Variants in HDHD5 observed in about 807,000 individuals in gnomAD.
HDHD5 encodes the protein haloacid dehalogenase-like hydrolase domain-containing 5.
Under a neutral mutation model 35.5 loss-of-function variants are expected in HDHD5, and 34 were observed. The ratio of observed to expected loss-of-function variants is 0.96; its 90% CI spans 0.73 to 1.28. The LOEUF (loss-of-function observed/expected upper bound fraction) is 1.28. Among genes scored for constraint, HDHD5 ranks in the 50% most tolerant of loss-of-function variants. The probability of loss-of-function intolerance (pLI) is 0.00; values close to 1 mark genes in which losing one functional copy is unlikely to be tolerated. For synonymous variants in HDHD5, 248 were observed against 240.6 expected, an observed-to-expected ratio of 1.03 and a Z score of -0.29; for missense variants, 589 against 560.2, an observed-to-expected ratio of 1.05 and a Z score of -0.52.
rs1191279993 is a variant in HDHD5 at position 17,139,506 on chromosome 22, C to T, written c.747-768G>A. On this transcript the variant is annotated intron_variant, in intron 6 of 7. Coordinates refer to ENST00000336737, the MANE Select transcript of HDHD5 (RefSeq NM_033070.3). ...TTGCACCACTGCATTCCAGCCTGGG[C>T]AAAAGAGCAAGACTCCATCTAAAAA... Among the ~76,000 whole-genome samples the T allele has an allele frequency of 9.4e-5, 14 of 149,646 alleles. No individual in the cohort carries two copies. In the South Asian group the frequency reaches 1.3e-3, roughly 14 times the overall value.
At chr22:17,156,987 C>T (rs1456197188) in intron 1 of HDHD5, among the ~76,000 whole-genome samples, 4 of 148,544 alleles carry the variant, frequency 2.7e-5, no homozygotes, top group African/African-American at 7.4e-5. Flanking sequence ...CTGAGGCAGG[C>T]GAATCACTTG....
Position 17,138,325 on chromosome 22 carries a change from T to G in HDHD5, c.968A>C (p.Asn323Thr), listed in dbSNP as rs1357078784. The G allele has an allele frequency of 1.6e-5, 26 of 1,613,828 alleles. No individual in the cohort carries two copies. Among genetic ancestry groups the G allele is most frequent in the Non-Finnish European group, 1.9e-5 (23 of 1,179,992 alleles). The change falls in exon 8 of 8, where the codon AAC becomes ACC. Residue 323 changes from asparagine to threonine, a missense_variant. Coordinates refer to ENST00000336737, the MANE Select transcript of HDHD5 (RefSeq NM_033070.3). ...CTTCTGCAGGTACTGGTGGAACAGG[T>G]TGGCGCCGTATACGTCAGACATAGG... Reference protein sequence around the residue: ...DNPMSDVYGANLFHQYLQKAT... With the variant: ...DNPMSDVYGATLFHQYLQKAT...
chr22:17,157,072 C>T (rs1364932533), intron 1 of HDHD5, among the ~76,000 whole-genome samples: 1 of 66,120 alleles, frequency 1.5e-5, no homozygotes, highest in Admixed American at 1.7e-4. Flanking sequence ...AGCTAGACAC[C>T]GTCTCACACA....
Position 17,155,231 on chromosome 22 carries a change from C to CTT in HDHD5, c.126+3893_126+3894dup, listed in dbSNP as rs539943001. On this transcript the variant is annotated intron_variant, in intron 1 of 7. Transcript: ENST00000336737. ...CTAAACAGTCACAAGATTTGCTTTC[C>CTT]TTTTTTTTTTTTTTTTGTTTGGTTG... Among the ~76,000 whole-genome samples the CTT allele has an allele frequency of 2.8e-3, 367 of 133,234 alleles. 1 individual carries two copies. Among genetic ancestry groups the CTT allele is most frequent in the African/African-American group, 9.1e-3 (331 of 36,264 alleles). 87.4% of individuals were successfully genotyped at this position (133,234 alleles called of 152,430 possible). A position where few individuals can be genotyped will look rare whatever the true frequency, so the allele number is the denominator to read the frequency against.
intron 4 of HDHD5, among the ~76,000 whole-genome samples, chr22:17,144,770 T>G (rs1479728817): frequency 6.6e-6 from 1 of 151,968 alleles, no homozygotes; most frequent in South Asian, 2.1e-4. Context: ...AGGCTGGTCT[T>G]GAACTCCTGG....
upstream of HDHD5, among the ~76,000 whole-genome samples, chr22:17,161,116 TGCACCTGTAATCCCA>T (rs1283636594): frequency 6.7e-6 from 1 of 150,250 alleles, no homozygotes; most frequent in African/African-American, 2.5e-5. Flanking sequence ...TAGCTCGTCA[TGCACCTGTAATCCCA>T]GCTACTTGGG....
At chr22:17,163,635 A>G (rs1214560706), upstream of HDHD5, among the ~76,000 whole-genome samples, 1 of 152,158 alleles carries the variant, frequency 6.6e-6, no homozygotes, top group Admixed American at 6.5e-5. Context: ...GGCCCTGCTC[A>G]TCTCAAGTGA....
intron 5 of HDHD5, 41 bp from the exon 6 acceptor site, chr22:17,141,274 T>TGGCAGGC: frequency 6.4e-7 from 1 of 1,553,872 alleles, no homozygotes; most frequent in Non-Finnish European, 8.6e-7. Context: ...GCAGGGCAGA[T>TGGCAGGC]GGCAGGCGGC....
chr22:17,145,185 C>T (rs2061647850), intron 3 of HDHD5, 68 bp from the exon 4 acceptor site: 3 of 1,596,792 alleles, frequency 1.9e-6, no homozygotes, highest in African/African-American at 1.3e-5. Context: ...TGCATCAAAT[C>T]ACAAGTGAAG....
intron 1 of HDHD5, among the ~76,000 whole-genome samples, chr22:17,152,280 G>C (rs1240074513): frequency 2.0e-5 from 1 of 50,068 alleles, no homozygotes; most frequent in Non-Finnish European, 3.7e-5. Flanking sequence ...GGACTGAAGG[G>C]AGTTAACTGA....
intron 1 of HDHD5, among the ~76,000 whole-genome samples, chr22:17,155,231 C>CT (rs539943001): frequency 0.062 from 8,236 of 133,172 alleles, 507 homozygotes; most frequent in African/African-American, 0.15. Flanking sequence ...ATTTGCTTTC[C>CT]TTTTTTTTTT....
intron 1 of HDHD5, chr22:17,158,880 C>T: frequency 3.4e-6 from 1 of 296,010 alleles, no homozygotes; most frequent in Non-Finnish European, 6.2e-6. Context: ...GACAAGCAGC[C>T]TGGCCCAGGC....
At chr22:17,141,027 C>A (rs1307177506) in intron 6 of HDHD5, 32 bp downstream of exon 6, 2 of 1,539,730 alleles carry the variant, frequency 1.3e-6, no homozygotes, top group South Asian at 1.2e-5. Context: ...GAATAGACCA[C>A]CAGGCCAAGG....
Position 17,159,261 on chromosome 22 carries a change from GCCGTGCGCACGTGC to G in HDHD5, c.-24_-11del. The G allele has an allele frequency of 8.1e-7, 1 of 1,238,768 alleles. No homozygotes were observed. The highest frequency in any genetic ancestry group is 1.7e-5 in the African/African-American group (1 of 58,428). 76.7% of individuals were successfully genotyped at this position (1,238,768 alleles called of 1,614,324 possible). The stretch of plus-strand genomic sequence containing the variant: ...AGCCCCACGCAGCCATCCGGCCGTC[GCCGTGCGCACGTGC>G]ACGGCGTGCGGCCCCCCCCCCCCGC... On this transcript the variant is annotated 5_prime_UTR_variant, in exon 1 of 8. Coordinates refer to ENST00000336737, the MANE Select transcript of HDHD5 (RefSeq NM_033070.3).
intron 3 of HDHD5, among the ~76,000 whole-genome samples, chr22:17,146,120 G>A (rs527550866): frequency 8.9e-4 from 135 of 152,090 alleles, no homozygotes; most frequent in African/African-American, 3.1e-3. Context: ...TACTTCCAAG[G>A]TTCCCGACAA....
chr22:17,146,319 ACCGGCCTT>A (rs1383026926), intron 3 of HDHD5, among the ~76,000 whole-genome samples: 165 of 150,192 alleles, frequency 1.1e-3, no homozygotes, highest in African/African-American at 3.8e-3. Flanking sequence ...CTGTGAGCTT[ACCGGCCTT>A]CAATCACATG....
chr22:17,159,165 G>T lies in HDHD5; in HGVS notation c.87C>A (p.Gly29=). 1 of 1,220,692 alleles carries T rather than the reference G, an allele frequency of 8.2e-7. No individual in the cohort carries two copies. The highest frequency in any genetic ancestry group is 1.0e-6 in the Non-Finnish European group (1 of 980,176). The allele number at this position is 1,220,692 out of a possible 1,614,324, so 75.6% of individuals were successfully genotyped here. ...RAARAAAGLQ[G]RPARRCYAVG... ...CAGCATAGCACCTGCGGGCGGGGCG[G>T]CCCTGGAGCCCCGCAGCCGCGCGCG... The change falls in exon 1 of 8, where the codon GGC becomes GGA. Residue 29 remains glycine (G), a synonymous_variant. Transcript: ENST00000336737.
rs572901671 is a variant in HDHD5, at chr22:17,148,621, G to T, written c.331-61C>A. 2.9e-4 allele frequency: 375 copies of T among 1,274,018 alleles called. 3 individuals are homozygous for T. In the South Asian group the frequency reaches 4.2e-3, roughly 14 times the overall value. 78.9% of individuals were successfully genotyped at this position (1,274,018 alleles called of 1,614,324 possible). On this transcript the variant is annotated intron_variant, in intron 2 of 7. Transcript: ENST00000336737. Reference sequence around the variant, plus strand: ...AGACAGAACTGTTGAGGGAAATAATGAGACAGGTGGCAGGTCCTTTAGCCT... The same window carrying T: ...AGACAGAACTGTTGAGGGAAATAATTAGACAGGTGGCAGGTCCTTTAGCCT...
intron 1 of HDHD5, among the ~76,000 whole-genome samples, chr22:17,157,331 G>A (rs372466623): frequency 2.7e-5 from 4 of 146,004 alleles, no homozygotes; most frequent in Non-Finnish European, 4.5e-5. Flanking sequence ...GCAATGGCCC[G>A]ATCTCCGCTC....
Sources: allele counts gnomAD v4.1 joint callset (sites outside exome capture counted in the v4.1 genomes callset), GRCh38; gene constraint gnomAD v4.1.1; transcripts MANE v1.5; gene names NCBI Gene and HGNC (gene_info 2026-07-23, HGNC 2026-07-21).